KCNIP4: variants seen among roughly 807,000 people sequenced by gnomAD.
KCNIP4 encodes potassium voltage-gated channel interacting protein 4.
In KCNIP4, 12 loss-of-function variants were observed where a neutral mutation model predicts 34.0. The ratio of observed to expected loss-of-function variants is 0.35; its 90% confidence interval spans 0.23 to 0.57. KCNIP4 has a LOEUF of 0.57. KCNIP4 is among the 20% of genes least tolerant of loss of function. The probability of loss-of-function intolerance (pLI) is 0.83; values close to 1 mark genes in which losing one functional copy is unlikely to be tolerated. For missense variants in KCNIP4, 238 were observed against 311.7 expected (o/e 0.76, Z 1.78); for synonymous variants, 124 against 102.2 (o/e 1.21, Z -1.29).
chr4:21,409,321 T>A (rs1724283513), intron 1 of KCNIP4, among the ~76,000 whole-genome samples: 1 of 152,006 alleles, frequency 6.6e-6, no homozygotes, highest in African/African-American at 2.4e-5. Context: ...TCTCACTATG[T>A]TTCCCAGGTT....
chr4:21,538,540 C>T (rs1439557474), intron 1 of KCNIP4, among the ~76,000 whole-genome samples: 3 of 152,166 alleles, frequency 2.0e-5, no homozygotes, highest in Admixed American at 6.5e-5. Flanking sequence ...TTCTCATCCT[C>T]CTCTTCCTCA....
intron 1 of KCNIP4, among the ~76,000 whole-genome samples, chr4:21,093,878 C>A (rs369882172): frequency 6.6e-6 from 1 of 152,008 alleles, no homozygotes; most frequent in African/African-American, 2.4e-5. Flanking sequence ...GTGAGGAGAT[C>A]GAGACCATCC....
intron 1 of KCNIP4, among the ~76,000 whole-genome samples, chr4:21,370,387 A>G (rs1560337122): frequency 6.8e-6 from 1 of 146,914 alleles, no homozygotes; most frequent in Non-Finnish European, 1.5e-5. Context: ...GCATGGCTGT[A>G]AAACATAGAC....
intron 1 of KCNIP4, among the ~76,000 whole-genome samples, chr4:21,253,003 T>C (rs1760826011): frequency 6.6e-6 from 1 of 152,154 alleles, no homozygotes; most frequent in Admixed American, 6.5e-5. Context: ...AGAAAGTCCA[T>C]GGAAAGCACT....
chr4:20,731,779 TG>T (rs1748296010), intron 8 of KCNIP4: 1 of 985,434 alleles, frequency 1.0e-6, no homozygotes, highest in Middle Eastern at 5.2e-4. Flanking sequence ...GTACAACTTT[TG>T]TATCCCCAGG....
At chr4:20,779,585 C>T (rs1463443225) in intron 3 of KCNIP4, among the ~76,000 whole-genome samples, 1 of 134,534 alleles carries the variant, frequency 7.4e-6, no homozygotes, top group Non-Finnish European at 1.6e-5. Flanking sequence ...AACCCCCCCC[C>T]CCCACACAAA....
At chr4:20,784,085 T>C (rs988119627) in intron 3 of KCNIP4, among the ~76,000 whole-genome samples, 4 of 152,202 alleles carry the variant, frequency 2.6e-5, no homozygotes, top group Admixed American at 6.5e-5. Flanking sequence ...ATTCAAACAC[T>C]AGTGTCCTAA....
intron 1 of KCNIP4, among the ~76,000 whole-genome samples, chr4:21,567,415 C>T (rs1272611138): frequency 6.6e-6 from 1 of 152,016 alleles, no homozygotes; most frequent in East Asian, 1.9e-4. Flanking sequence ...TCCTCCCTGC[C>T]ACCCCCTCTT....
chr4:21,507,495 A>G (rs1186708520), intron 1 of KCNIP4, among the ~76,000 whole-genome samples: 4 of 152,010 alleles, frequency 2.6e-5, no homozygotes, highest in Admixed American at 2.6e-4. Flanking sequence ...GAGCTCAGAC[A>G]ATCTGCCCGC....
intron 1 of KCNIP4, among the ~76,000 whole-genome samples, chr4:21,013,356 T>C (rs1739229852): frequency 6.6e-6 from 1 of 152,106 alleles, no homozygotes; most frequent in Non-Finnish European, 1.5e-5. Context: ...TTGTCAAGTA[T>C]GCTGACCACA....
At chr4:21,076,476 T>G (rs1277587431) in intron 1 of KCNIP4, among the ~76,000 whole-genome samples, 1 of 152,184 alleles carries the variant, frequency 6.6e-6, no homozygotes, top group Non-Finnish European at 1.5e-5. Flanking sequence ...AGATTGTGAA[T>G]TCTTGGCAAG....
intron 1 of KCNIP4, among the ~76,000 whole-genome samples, chr4:20,988,395 T>G (rs750346738): frequency 8.1e-4 from 124 of 152,212 alleles, no homozygotes; most frequent in Non-Finnish European, 1.4e-3. Context: ...TACATTTCCT[T>G]GCCCCAATCC....
chr4:21,229,164 T>C (rs1316900536), intron 1 of KCNIP4, among the ~76,000 whole-genome samples: 2 of 152,162 alleles, frequency 1.3e-5, no homozygotes, highest in Non-Finnish European at 2.9e-5. Context: ...CACATCATCA[T>C]CATTTCCCAG....
At chr4:21,830,251 T>C (rs575048546) in intron 1 of KCNIP4, among the ~76,000 whole-genome samples, 1 of 152,284 alleles carries the variant, frequency 6.6e-6, no homozygotes, top group South Asian at 2.1e-4. Flanking sequence ...GAAAAGGTTA[T>C]TCTAGTATAA....
At chr4:21,535,378 T>C (rs899987199) in intron 1 of KCNIP4, among the ~76,000 whole-genome samples, 1 of 152,168 alleles carries the variant, frequency 6.6e-6, no homozygotes, top group Non-Finnish European at 1.5e-5. Flanking sequence ...GCATGAAAAC[T>C]AGAAAGGTGT....
chr4:21,454,390 A>G (rs1258827482), intron 1 of KCNIP4, among the ~76,000 whole-genome samples: 1 of 152,086 alleles, frequency 6.6e-6, no homozygotes, highest in Non-Finnish European at 1.5e-5. Flanking sequence ...TAAGGCATGT[A>G]AAAGCTTGAG....
intron 1 of KCNIP4, among the ~76,000 whole-genome samples, chr4:21,121,681 G>A (rs1560741240): frequency 6.6e-6 from 1 of 152,172 alleles, no homozygotes; most frequent in Non-Finnish European, 1.5e-5. Context: ...TCATGTAAAG[G>A]AGAAGTAAGT....
chr4:21,763,092 G>C, intron 1 of KCNIP4: 1 of 1,288,496 alleles, frequency 7.8e-7, no homozygotes. Flanking sequence ...ACTCAGGAAT[G>C]CATTCCTAAC....
chr4:21,813,832 CA>C (rs1236670715), intron 1 of KCNIP4, among the ~76,000 whole-genome samples: 1 of 152,084 alleles, frequency 6.6e-6, no homozygotes, highest in African/African-American at 2.4e-5. Flanking sequence ...GCACTTACTG[CA>C]AAAACAGAAA....
Sources: allele counts gnomAD v4.1 joint callset (sites outside exome capture counted in the v4.1 genomes callset), GRCh38; gene constraint gnomAD v4.1.1; transcripts MANE v1.5; gene names NCBI Gene and HGNC (gene_info 2026-07-23, HGNC 2026-07-21).